The following CADPS2 variants were observed in gnomAD, a reference collection of about 807,000 sequenced individuals.
The protein encoded by CADPS2 is calcium dependent secretion activator 2.
A neutral mutation model predicts 172.5 loss-of-function variants in CADPS2; 93 were observed. The ratio of observed to expected loss-of-function variants is 0.54; its 90% CI spans 0.46 to 0.64. CADPS2 has a LOEUF of 0.64. CADPS2 is among the 30% of genes least tolerant of loss of function. The probability of loss-of-function intolerance (pLI) is 0.00; values close to 1 mark genes in which losing one functional copy is unlikely to be tolerated. For synonymous variants in CADPS2, 546 were observed against 555.2 expected (o/e 0.98, Z 0.23); for missense variants, 1,420 against 1,565.9 (o/e 0.91, Z 1.57).
At chr7:122,361,967 G>T (rs1563149917) in intron 25 of CADPS2, among the ~76,000 whole-genome samples, 2 of 152,082 alleles carry the variant, frequency 1.3e-5, no homozygotes, top group South Asian at 4.1e-4. Context: ...TAGCTACTCG[G>T]GAGGCTGAGG....
chr7:122,850,931 C>A (rs1584919105), intron 1 of CADPS2, among the ~76,000 whole-genome samples: 1 of 152,182 alleles, frequency 6.6e-6, no homozygotes, highest in African/African-American at 2.4e-5. Flanking sequence ...AATATTCTTA[C>A]CCTGCCCAGC....
chr7:122,356,975 A>C (rs946099451), intron 27 of CADPS2, among the ~76,000 whole-genome samples: 1 of 152,212 alleles, frequency 6.6e-6, no homozygotes, highest in Non-Finnish European at 1.5e-5. Flanking sequence ...GCTTGTTGCT[A>C]CTGGGGCATC....
chr7:122,622,521 G>A (rs2075704261), intron 4 of CADPS2, among the ~76,000 whole-genome samples: 1 of 152,104 alleles, frequency 6.6e-6, no homozygotes, highest in African/African-American at 2.4e-5. Flanking sequence ...ATATTTAGAT[G>A]GTGCCGAATC....
At chr7:122,429,720 G>T (rs973349282) in intron 17 of CADPS2, among the ~76,000 whole-genome samples, 8 of 151,970 alleles carry the variant, frequency 5.3e-5, no homozygotes, top group African/African-American at 1.7e-4. Context: ...TATTATTTAG[G>T]TGTCAGAAAC....
At chr7:122,652,440 T>G in intron 3 of CADPS2, among the ~76,000 whole-genome samples, 1 of 152,324 alleles carries the variant, frequency 6.6e-6, no homozygotes, top group East Asian at 1.9e-4. Flanking sequence ...AAAATTATTC[T>G]AAGACTATCA....
intron 27 of CADPS2, among the ~76,000 whole-genome samples, chr7:122,349,176 C>T (rs960414980): frequency 1.3e-5 from 2 of 151,848 alleles, no homozygotes; most frequent in African/African-American, 4.8e-5. Context: ...GCATGACTAC[C>T]AATTATATCA....
At chr7:122,457,223 T>A (rs2053892805) in intron 14 of CADPS2, among the ~76,000 whole-genome samples, 1 of 152,144 alleles carries the variant, frequency 6.6e-6, no homozygotes, top group Non-Finnish European at 1.5e-5. Context: ...AATCAGGCAT[T>A]TGAGCAGAAG....
At chr7:122,499,292 T>G (rs965236619) in intron 9 of CADPS2, among the ~76,000 whole-genome samples, 3 of 152,196 alleles carry the variant, frequency 2.0e-5, no homozygotes, top group African/African-American at 4.8e-5. Context: ...TCATGGTACA[T>G]CTTCTTTCTC....
chr7:122,456,080 A>G (rs2053735995), intron 14 of CADPS2, among the ~76,000 whole-genome samples: 1 of 152,216 alleles, frequency 6.6e-6, no homozygotes, highest in Non-Finnish European at 1.5e-5. Flanking sequence ...ACTGTAGTTA[A>G]GTACACTGGT....
intron 1 of CADPS2, among the ~76,000 whole-genome samples, chr7:122,773,608 C>T (rs1394718417): frequency 6.6e-6 from 1 of 151,932 alleles, no homozygotes; most frequent in East Asian, 1.9e-4. Flanking sequence ...CCTAAAAGAG[C>T]TGTAGGATTC....
intron 2 of CADPS2, among the ~76,000 whole-genome samples, chr7:122,696,678 T>TTATGCATGCTGAC (rs1392494749): frequency 2.6e-5 from 4 of 152,180 alleles, no homozygotes; most frequent in Admixed American, 2.0e-4. Flanking sequence ...CTCATTAAAA[T>TTATGCATGCTGAC]TATGCATGCT....
intron 1 of CADPS2, among the ~76,000 whole-genome samples, chr7:122,740,843 A>G (rs2092430838): frequency 6.6e-6 from 1 of 152,112 alleles, no homozygotes; most frequent in Non-Finnish European, 1.5e-5. Flanking sequence ...CCAACAGAAA[A>G]ATGGACAAAA....
rs1244733564 is a variant in CADPS2, at chr7:122,801,054, C to T, written c.340-63986G>A. On this transcript the variant is annotated intron_variant, in intron 1 of 29. Coordinates refer to ENST00000449022, the MANE Select transcript of CADPS2 (RefSeq NM_017954.11). ...TACCTTGGGGTAATTAAGAAAAACA[C>T]TATTTGGGCTAAAGAGAAAATTAAA... 2.1e-5 allele frequency among the ~76,000 whole-genome samples: 3 copies of T among 140,764 alleles called. No individual in the cohort carries two copies. The East Asian group carries it at 6.1e-4, about 28-fold the overall frequency. The allele number at this position is 140,764 out of a possible 152,430, so 92.3% of individuals were successfully genotyped here.
Position 122,886,249 on chromosome 7 carries a change from T to A in CADPS2, c.89A>T (p.Gln30Leu). The stretch of plus-strand genomic sequence containing the variant: ...CCGAGTCGGGGCTGGAGGAGCTCGC[T>A]GCGAGCTGCCGGCTGCCACCAGCAC... ...RDVLVAAGSS[Q>L]RAPPAPTREG... Residue 30 changes from glutamine (Q) to leucine (L), a missense_variant, in exon 1 of 30, where the codon CAG (glutamine) becomes CTG (leucine). Transcript: ENST00000449022. 6.7e-7 allele frequency: 1 copy of A among 1,499,092 alleles called. No individual in the cohort carries two copies. Among genetic ancestry groups the A allele is most frequent in the Non-Finnish European group, 8.8e-7 (1 of 1,132,018 alleles). The allele number at this position is 1,499,092 out of a possible 1,614,324, so 92.9% of individuals were successfully genotyped here.
chr7:122,640,806 C>T lies in CADPS2; in HGVS notation c.787-11478G>A, dbSNP rs573743239. Among the ~76,000 whole-genome samples, 12 of 151,812 alleles carry T rather than the reference C, an allele frequency of 7.9e-5. No individual in the cohort carries two copies. In the East Asian group the frequency reaches 1.8e-3, roughly 22 times the overall value. On this transcript the variant is annotated intron_variant, in intron 3 of 29. Transcript: ENST00000449022. ...AAAATTAGCCGGACTTGGCGGCGGG[C>T]GCCTGTAGTCCCAGCTACTCTGGAG...
At chr7:122,377,544 G>A (rs1048773067) in intron 25 of CADPS2, among the ~76,000 whole-genome samples, 2 of 152,076 alleles carry the variant, frequency 1.3e-5, no homozygotes, top group Non-Finnish European at 2.9e-5. Flanking sequence ...CTATGTTCAC[G>A]GGTTGGTTAT....
At chr7:122,882,634 T>A (rs1054972615) in intron 1 of CADPS2, among the ~76,000 whole-genome samples, 24 of 150,380 alleles carry the variant, frequency 1.6e-4, no homozygotes, top group African/African-American at 9.8e-5. Context: ...TTTTTTTTTT[T>A]ACTTTCTCCT....
intron 8 of CADPS2, among the ~76,000 whole-genome samples, chr7:122,537,849 G>C (rs2062467402): frequency 6.6e-6 from 1 of 150,698 alleles, no homozygotes; most frequent in Non-Finnish European, 1.5e-5. Context: ...TTTGAAGTGA[G>C]AAAAATGAAA....
chr7:122,399,795 TCCTGCCTCAGCCTC>T (rs1313070800), intron 20 of CADPS2, among the ~76,000 whole-genome samples: 1 of 147,204 alleles, frequency 6.8e-6, no homozygotes, highest in Non-Finnish European at 1.5e-5. Flanking sequence ...CACGCCATTC[TCCTGCCTCAGCCTC>T]CCGAGTAGCT....
Sources: allele counts gnomAD v4.1 joint callset (sites outside exome capture counted in the v4.1 genomes callset), GRCh38; gene constraint gnomAD v4.1.1; transcripts MANE v1.5; gene names NCBI Gene and HGNC (gene_info 2026-07-23, HGNC 2026-07-21).